The following SCN10A variants were observed in gnomAD, a reference collection of about 807,000 sequenced individuals.
SCN10A encodes the protein sodium channel protein type 10 subunit alpha.
A neutral mutation model predicts 170.7 loss-of-function variants in SCN10A; 162 were observed. The ratio of observed to expected loss-of-function variants is 0.95; its 90% CI spans 0.84 to 1.08. SCN10A has a LOEUF of 1.08. SCN10A is among the 50% of genes least tolerant of loss of function. The probability of loss-of-function intolerance (pLI) is 0.00; values close to 1 mark genes in which losing one functional copy is unlikely to be tolerated. For synonymous variants in SCN10A, 985 were observed against 904.6 expected, an observed-to-expected ratio of 1.09 and a Z score of -1.59; for missense variants, 2,527 against 2,436.9, an observed-to-expected ratio of 1.04 and a Z score of -0.78.
At chr3:38,807,492 C>T (rs7627424) in intron 1 of SCN10A, among the ~76,000 whole-genome samples, 13,982 of 152,140 alleles carry the variant, frequency 0.092, 1,898 homozygotes, top group African/African-American at 0.29. Context: ...ACTGACTTGA[C>T]GTCCCAGCAG....
chr3:38,770,367 T>C (rs945459954), intron 5 of SCN10A, among the ~76,000 whole-genome samples: 7 of 152,078 alleles, frequency 4.6e-5, no homozygotes, highest in African/African-American at 1.7e-4. Context: ...GGAAATACCA[T>C]CAGGTGGGGG....
rs753004431 is a variant in SCN10A at position 38,698,454 on chromosome 3, G to A, written c.4766C>T (p.Ala1589Val). The A allele has an allele frequency of 8.7e-6, 14 of 1,614,074 alleles. No individual in the cohort carries two copies. Among genetic ancestry groups the A allele is most frequent in the Admixed American group, 6.7e-5 (4 of 60,004 alleles). Residue 1589 changes from alanine to valine, a missense_variant, in exon 28 of 28, where the codon GCG (alanine) becomes GTG (valine). By Grantham distance (64) the Ala-to-Val change is moderately conservative (BLOSUM62 0). Coordinates refer to ENST00000449082, the MANE Select transcript of SCN10A (RefSeq NM_006514.4). ...RIGRILRLIR[A>V]AKGIRTLLFA... Reference sequence around the variant, plus strand: ...GAGCAGTGTGCGGATCCCCTTGGCCGCTCGGATCAGTCTGAGGATGCGGCC... The same window carrying A: ...GAGCAGTGTGCGGATCCCCTTGGCCACTCGGATCAGTCTGAGGATGCGGCC...
At chr3:38,788,892 G>T in intron 4 of SCN10A, 64 bp downstream of exon 4, 1 of 975,080 alleles carries the variant, frequency 1.0e-6, no homozygotes, top group Non-Finnish European at 1.7e-6. Context: ...GACAAAGACT[G>T]CCAAGTGAAG....
intron 20 of SCN10A, among the ~76,000 whole-genome samples, chr3:38,719,147 G>A (rs2063362299): frequency 6.6e-6 from 1 of 152,182 alleles, no homozygotes. Context: ...TGCTAACAGT[G>A]ACTTTGTTTA....
intron 16 of SCN10A, among the ~76,000 whole-genome samples, chr3:38,727,918 T>C (rs2063474554): frequency 6.6e-6 from 1 of 152,094 alleles, no homozygotes; most frequent in South Asian, 2.1e-4. Context: ...CCTCCAAACA[T>C]GGAGTAGATT....
chr3:38,740,866 A>G (rs1485693911), intron 14 of SCN10A, among the ~76,000 whole-genome samples: 1 of 152,192 alleles, frequency 6.6e-6, no homozygotes, highest in Non-Finnish European at 1.5e-5. Flanking sequence ...TAACTGTAGA[A>G]TGAGGGTGTG....
In SCN10A at chr3:38,697,620, A is replaced by C. The variant is rs373299553; in HGVS notation, c.5600T>G (p.Leu1867Arg). The change falls in exon 28 of 28, where the codon CTG (leucine) becomes CGG (arginine). Residue 1867 changes from leucine to arginine, a missense_variant. Transcript: ENST00000449082. ...VIQKAYRSYV[L>R]HRSMALSNTP... Reference sequence around the variant, plus strand: ...GTTAGAGAGTGCCATGGAGCGGTGCAGCACATAGCTCCGATAGGCCTTTTG... The same window carrying C: ...GTTAGAGAGTGCCATGGAGCGGTGCCGCACATAGCTCCGATAGGCCTTTTG... 5.0e-6 allele frequency: 8 copies of C among 1,614,070 alleles called. No individual in the cohort carries two copies. Among genetic ancestry groups the C allele is most frequent in the Non-Finnish European group, 5.9e-6 (7 of 1,180,020 alleles).
intron 1 of SCN10A, among the ~76,000 whole-genome samples, chr3:38,803,327 G>A (rs1386504115): frequency 6.6e-6 from 1 of 152,042 alleles, no homozygotes; most frequent in Non-Finnish European, 1.5e-5. Flanking sequence ...TATAAATCAT[G>A]CTGCTATAAA....
chr3:38,748,467 A>G (rs1312185989), intron 13 of SCN10A, among the ~76,000 whole-genome samples: 1 of 152,180 alleles, frequency 6.6e-6, no homozygotes, highest in Non-Finnish European at 1.5e-5. Flanking sequence ...TTGTTAAGTC[A>G]ATGTTGGGTA....
In SCN10A at chr3:38,783,182, G is replaced by C. The variant is rs551638849; in HGVS notation, c.470+5774C>G. On this transcript the variant is annotated intron_variant, in intron 4 of 27. Coordinates refer to ENST00000449082, the MANE Select transcript of SCN10A (RefSeq NM_006514.4). ...AATCTCCAACATAGCAACATGGGGG[G>C]TTTGTTTCAACATTTGAATTTTGAG... Among the ~76,000 whole-genome samples the C allele has an allele frequency of 4.6e-5, 7 of 152,166 alleles. No individual in the cohort carries two copies. In the East Asian group the frequency reaches 1.2e-3, roughly 25 times the overall value.
chr3:38,757,283 C>T, intron 8 of SCN10A, 124 bp from the exon 9 acceptor site: 1 of 943,580 alleles, frequency 1.1e-6, no homozygotes, highest in Non-Finnish European at 1.6e-6. Flanking sequence ...CTCTTATTAG[C>T]AGGATGATCT....
Position 38,752,476 on chromosome 3 carries a change from T to G in SCN10A, c.1498A>C (p.Ser500Arg). Residue 500 changes from serine (S) to arginine (R), a missense_variant, in exon 12 of 28, where the codon AGT becomes CGT. Physicochemically the swap from Ser to Arg is moderately radical, Grantham distance 110 (BLOSUM62 -1). Coordinates refer to ENST00000449082, the MANE Select transcript of SCN10A (RefSeq NM_006514.4). Reference sequence around the variant, plus strand: ...CGGAAATGGAACACACTGCCATGACTAGCCCGGCGTTTTCCAGAGGCGAGG... The same window carrying G: ...CGGAAATGGAACACACTGCCATGACGAGCCCGGCGTTTTCCAGAGGCGAGG... ...LGLASGKRRA[S>R]HGSVFHFRSP... The G allele has an allele frequency of 6.2e-7, 1 of 1,605,266 alleles. No individual in the cohort carries two copies. The highest frequency in any genetic ancestry group is 1.1e-5 in the South Asian group (1 of 89,868).
At chr3:38,751,536 G>A (rs1222689486) in intron 12 of SCN10A, among the ~76,000 whole-genome samples, 1 of 152,178 alleles carries the variant, frequency 6.6e-6, no homozygotes, top group Non-Finnish European at 1.5e-5. Flanking sequence ...GTCTGCAATT[G>A]CGCTGTATCC....
chr3:38,784,316 G>C (rs2064172492), intron 4 of SCN10A, among the ~76,000 whole-genome samples: 1 of 152,064 alleles, frequency 6.6e-6, no homozygotes, highest in Non-Finnish European at 1.5e-5. Context: ...TGGGATCAAA[G>C]CTGGTTCAAC....
chr3:38,728,726 T>C lies in SCN10A; in HGVS notation c.2456A>G (p.Asn819Ser). 6.2e-7 allele frequency: 1 copy of C among 1,614,148 alleles called. No homozygotes were observed. The highest frequency in any genetic ancestry group is 8.5e-7 in the Non-Finnish European group (1 of 1,180,022). Reference protein sequence around the residue: ...LGENYRNNRKNISAPHEDWPR... With the variant: ...LGENYRNNRKSISAPHEDWPR... ...CCAGTCTTCATGGGGCGCGGAGATA[T>C]TTTTTCGGTTGTTACGGTAGTTTTC... is the stretch of plus-strand genomic sequence containing the variant. Residue 819 changes from asparagine to serine, a missense_variant, in exon 16 of 28, where the codon AAT becomes AGT. By Grantham distance (46) the Asn-to-Ser change is conservative. Coordinates refer to ENST00000449082, the MANE Select transcript of SCN10A (RefSeq NM_006514.4).
chr3:38,700,351 C>T (rs78881985), intron 27 of SCN10A, among the ~76,000 whole-genome samples: 6,857 of 152,238 alleles, frequency 0.045, 251 homozygotes, highest in Non-Finnish European at 0.065. Flanking sequence ...ATGAATAAAT[C>T]CTAGAGCTCT....
intron 15 of SCN10A, among the ~76,000 whole-genome samples, chr3:38,738,843 G>A (rs1234551531): frequency 1.3e-5 from 2 of 152,174 alleles, no homozygotes; most frequent in African/African-American, 2.4e-5. Flanking sequence ...TCCTGTAGAG[G>A]GCGTCCTGGA....
At chr3:38,716,946 T>C (rs2063340282) in intron 21 of SCN10A, among the ~76,000 whole-genome samples, 1 of 151,878 alleles carries the variant, frequency 6.6e-6, no homozygotes, top group Non-Finnish European at 1.5e-5. Context: ...GAAGAATAGA[T>C]GGATAGGTTG....
chr3:38,794,038 A>T lies in SCN10A; in HGVS notation c.-28T>A. On this transcript the variant is annotated 5_prime_UTR_variant, in exon 2 of 28. Coordinates refer to ENST00000449082, the MANE Select transcript of SCN10A (RefSeq NM_006514.4). Reference sequence around the variant, plus strand: ...TCTCATTCTTCTTCAGGAAGTATTTATACTCTTATAAGAGTGGACATAACC... The same window carrying T: ...TCTCATTCTTCTTCAGGAAGTATTTTTACTCTTATAAGAGTGGACATAACC... 1.2e-6 allele frequency: 2 copies of T among 1,608,204 alleles called. No individual in the cohort carries two copies. The highest frequency in any genetic ancestry group is 1.7e-6 in the Non-Finnish European group (2 of 1,175,614).
Sources: allele counts gnomAD v4.1 joint callset (sites outside exome capture counted in the v4.1 genomes callset), GRCh38; gene constraint gnomAD v4.1.1; transcripts MANE v1.5; gene names NCBI Gene and HGNC (gene_info 2026-07-23, HGNC 2026-07-21).